ZNF362: variants seen among roughly 807,000 people sequenced by gnomAD.
ZNF362 encodes the protein rotund homolog.
In ZNF362, 11 loss-of-function variants were observed where a neutral mutation model predicts 42.9. That is an observed-to-expected ratio of 0.26 (90% confidence interval 0.16 to 0.42). The LOEUF is 0.42. Ranked by LOEUF, ZNF362 falls within the 20% of genes least tolerant of loss-of-function variation. The pLI, the probability that ZNF362 is intolerant of heterozygous loss-of-function variation, is 1.00. For synonymous variants in ZNF362, 255 were observed against 257.3 expected, an observed-to-expected ratio of 0.99 and a Z score of 0.09; for missense variants, 362 against 576.2, an observed-to-expected ratio of 0.63 and a Z score of 3.81.
At chr1:33,258,325 C>T (rs1570377738) in intron 1 of ZNF362, among the ~76,000 whole-genome samples, 1 of 152,218 alleles carries the variant, frequency 6.6e-6, no homozygotes, top group East Asian at 1.9e-4. Flanking sequence ...TTGGGCCTAG[C>T]CTCTCATGTG....
chr1:33,268,494 G>T (rs1202190252), intron 1 of ZNF362, among the ~76,000 whole-genome samples: 1 of 152,238 alleles, frequency 6.6e-6, no homozygotes, highest in Non-Finnish European at 1.5e-5. Context: ...TGGGGTGAGA[G>T]GGGTTCTGAT....
At chr1:33,291,865 C>G (rs12760162) in intron 6 of ZNF362, among the ~76,000 whole-genome samples, 25,754 of 152,060 alleles carry the variant, frequency 0.17, 2,708 homozygotes, top group South Asian at 0.26. Context: ...TGATTTGGCT[C>G]TCTGTCTGTT....
At chr1:33,250,749 GA>G in the ZNF362 span, among the ~76,000 whole-genome samples, 12 of 141,004 alleles carry the variant, frequency 8.5e-5, no homozygotes, top group African/African-American at 1.8e-4. Context: ...AAAAGTTGAA[GA>G]AAAAAAAAGA....
At chr1:33,247,851 G>A in the ZNF362 span, among the ~76,000 whole-genome samples, 1 of 152,202 alleles carries the variant, frequency 6.6e-6, no homozygotes, top group Non-Finnish European at 1.5e-5. Context: ...CCACACCCAT[G>A]AGCTCCTTAG....
At chr1:33,147,225 G>A in the ZNF362 span, 1 of 1,613,984 alleles carries the variant, frequency 6.2e-7, no homozygotes, top group Non-Finnish European at 8.5e-7. The surrounding 1 kb of genome is among the most constrained non-coding windows in gnomAD (Gnocchi z 8.1). Flanking sequence ...TCTTGCCATT[G>A]GCGTGGCTCT....
the ZNF362 span, among the ~76,000 whole-genome samples, chr1:33,225,154 G>A: frequency 1.3e-5 from 2 of 152,000 alleles, no homozygotes; most frequent in African/African-American, 4.8e-5. Context: ...TCCTCTACTT[G>A]ATTATTCTTC....
the ZNF362 span, chr1:33,195,567 C>T: frequency 6.6e-6 from 1 of 152,152 alleles, no homozygotes; most frequent in Non-Finnish European, 1.5e-5. Context: ...GGCTCCTGTA[C>T]AGGATGTTAC....
chr1:33,156,266 C>T, the ZNF362 span, among the ~76,000 whole-genome samples: 2 of 152,242 alleles, frequency 1.3e-5, no homozygotes, highest in Non-Finnish European at 2.9e-5. Flanking sequence ...CACACTCTCT[C>T]TCCTTCGCTT....
chr1:33,236,266 G>T, the ZNF362 span, among the ~76,000 whole-genome samples: 2 of 151,738 alleles, frequency 1.3e-5, no homozygotes, highest in Non-Finnish European at 2.9e-5. Context: ...AAACAGGCCG[G>T]TTGCAGTGGC....
chr1:33,275,138 C>G (rs996221529), intron 2 of ZNF362: 1 of 985,298 alleles, frequency 1.0e-6, no homozygotes, highest in Non-Finnish European at 1.2e-6. Context: ...ATACGAGAAA[C>G]TTGACAGGGA....
chr1:33,191,405 C>T, the ZNF362 span, among the ~76,000 whole-genome samples: 2 of 152,194 alleles, frequency 1.3e-5, no homozygotes, highest in African/African-American at 4.8e-5. Context: ...TCCTATGTTC[C>T]TTCCCTTCCC....
At chr1:33,184,458 G>C in the ZNF362 span, among the ~76,000 whole-genome samples, 1 of 152,188 alleles carries the variant, frequency 6.6e-6, no homozygotes. Flanking sequence ...TTGCAGCCGA[G>C]TGAGACTTGG....
Position 33,294,248 on chromosome 1 carries a change from G to A in ZNF362, c.909-689G>A, listed in dbSNP as rs1360651998. Among the ~76,000 whole-genome samples, 1 of 152,194 alleles carries A rather than the reference G, an allele frequency of 6.6e-6. No individual in the cohort carries two copies. The highest frequency in any genetic ancestry group is 6.5e-5 in the Admixed American group (1 of 15,276). ...ATCTTCACAAAGCCCGATGAGATAG[G>A]AACTGTATTTTTATACCCATTTTGC... On this transcript the variant is annotated intron_variant, in intron 6 of 8. Coordinates refer to ENST00000539719, the MANE Select transcript of ZNF362 (RefSeq NM_152493.3). This position sits in a 1 kb window ranked among gnomAD's most constrained non-coding sequence, Gnocchi z 4.2.
At chr1:33,189,664 T>TAGATACAC in the ZNF362 span, among the ~76,000 whole-genome samples, 1 of 19,854 alleles carries the variant, frequency 5.0e-5, no homozygotes, top group Non-Finnish European at 1.5e-4. Context: ...TATATATATA[T>TAGATACAC]ATATATATGT....
chr1:33,217,632 A>G, the ZNF362 span, among the ~76,000 whole-genome samples: 2 of 152,246 alleles, frequency 1.3e-5, no homozygotes, highest in African/African-American at 4.8e-5. Context: ...TATTGTTTTC[A>G]TTATTAAAAT....
the ZNF362 span, among the ~76,000 whole-genome samples, chr1:33,190,186 T>C: frequency 8.0e-4 from 122 of 152,318 alleles, no homozygotes; most frequent in African/African-American, 2.8e-3. Flanking sequence ...TACATGCTCT[T>C]GATCTGTTTT....
chr1:33,227,718 G>T, the ZNF362 span, among the ~76,000 whole-genome samples: 3 of 152,284 alleles, frequency 2.0e-5, no homozygotes, highest in Admixed American at 2.0e-4. Context: ...TGCAGCAACA[G>T]ATTGTAGAGG....
At chr1:33,181,187 G>A in the ZNF362 span, 7 of 1,593,042 alleles carry the variant, frequency 4.4e-6, no homozygotes, top group Non-Finnish European at 6.0e-6. The surrounding 1 kb of genome is among the most constrained non-coding windows in gnomAD (Gnocchi z 6.5). Context: ...CGTTGAGGAT[G>A]GCGTCCAGCG....
At chr1:33,227,739 T>C in the ZNF362 span, among the ~76,000 whole-genome samples, 1 of 152,146 alleles carries the variant, frequency 6.6e-6, no homozygotes, top group African/African-American at 2.4e-5. Context: ...CCACCAGACC[T>C]ACTCCTGGCT....
Sources: allele counts gnomAD v4.1 joint callset (sites outside exome capture counted in the v4.1 genomes callset), GRCh38; gene constraint gnomAD v4.1.1; non-coding constraint Gnocchi (gnomAD v3.1); transcripts MANE v1.5; gene names NCBI Gene and HGNC (gene_info 2026-07-23, HGNC 2026-07-21).